The following SLC25A37 variants were observed in gnomAD, a reference collection of about 807,000 sequenced individuals.
The protein encoded by SLC25A37 is mitoferrin-1.
Under a neutral mutation model 31.0 loss-of-function variants are expected in SLC25A37, and 17 were observed. The observed-to-expected ratio is 0.55, with a 90% confidence interval of 0.38 to 0.82. The LOEUF is 0.82. Among genes scored for constraint, SLC25A37 ranks in the 40% least tolerant of loss-of-function variants. SLC25A37 has a pLI of 0.00. For missense variants in SLC25A37, 404 were observed against 465.8 expected (o/e 0.87, Z 1.22); for synonymous variants, 222 against 193.0 (o/e 1.15, Z -1.24).
At chr8:23,557,260 G>A (rs1802392104) in intron 1 of SLC25A37, among the ~76,000 whole-genome samples, 2 of 152,214 alleles carry the variant, frequency 1.3e-5, no homozygotes, top group African/African-American at 4.8e-5. Flanking sequence ...GCAGGTTTGA[G>A]TGAGGAAGGC....
chr8:23,535,474 T>C (rs1801747372), intron 1 of SLC25A37, among the ~76,000 whole-genome samples: 1 of 152,194 alleles, frequency 6.6e-6, no homozygotes, highest in Non-Finnish European at 1.5e-5. Flanking sequence ...GGTGTCTTCA[T>C]TCCTTTAAGG....
Position 23,574,063 on chromosome 8 carries a change from A to G in SLC25A37, c.*2208A>G, listed in dbSNP as rs937613115. ...CCACCCCTTTTGGTCCACTTAAGAT[A>G]TGCCACGCTGAAGCAAGGTATTTCC... On this transcript the variant is annotated 3_prime_UTR_variant, in exon 4 of 4. Coordinates refer to ENST00000519973, the MANE Select transcript of SLC25A37 (RefSeq NM_016612.4). 6 of 343,482 alleles carry G rather than the reference A, an allele frequency of 1.7e-5. No homozygotes were observed. Among genetic ancestry groups the G allele is most frequent in the Non-Finnish European group, 3.5e-5 (6 of 170,484 alleles). The allele number at this position is 343,482 out of a possible 1,614,324, so 21.3% of individuals were successfully genotyped here. A position where few individuals can be genotyped will look rare whatever the true frequency, so the allele number is the denominator to read the frequency against.
intron 1 of SLC25A37, among the ~76,000 whole-genome samples, chr8:23,541,156 C>T (rs189956173): frequency 1.1e-3 from 166 of 152,122 alleles, no homozygotes; most frequent in African/African-American, 3.6e-3. Context: ...ATGCTCATTT[C>T]GTGGTAATGT....
At chr8:23,565,876 C>T (rs140081904) in intron 1 of SLC25A37, among the ~76,000 whole-genome samples, 141 of 152,364 alleles carry the variant, frequency 9.3e-4, no homozygotes, top group African/African-American at 3.3e-3. Flanking sequence ...CCACAGCCTT[C>T]TCTGTCTTTC....
At chr8:23,553,342 A>T (rs1563259674) in intron 1 of SLC25A37, among the ~76,000 whole-genome samples, 2 of 151,748 alleles carry the variant, frequency 1.3e-5, no homozygotes, top group African/African-American at 4.8e-5. Flanking sequence ...GATGGCTTGA[A>T]CCCGGGGGCT....
chr8:23,566,043 T>C (rs1303149147), intron 1 of SLC25A37, 65 bp from the exon 2 acceptor site: 6 of 1,503,882 alleles, frequency 4.0e-6, no homozygotes, highest in Non-Finnish European at 5.3e-6. Flanking sequence ...CCAGGTCTTA[T>C]TTTCCTTCTT....
At chr8:23,547,017 G>A (rs1182017474) in intron 1 of SLC25A37, among the ~76,000 whole-genome samples, 3 of 152,028 alleles carry the variant, frequency 2.0e-5, no homozygotes, top group African/African-American at 7.2e-5. Flanking sequence ...GCCTGGCCTT[G>A]GATAAGAACT....
chr8:23,574,979 G>A lies in SLC25A37; in HGVS notation c.*3124G>A, dbSNP rs955065858. The A allele has an allele frequency of 1.3e-5, 2 of 152,290 alleles. No individual in the cohort carries two copies. Among genetic ancestry groups the A allele is most frequent in the Non-Finnish European group, 2.9e-5 (2 of 68,132 alleles). The allele number at this position is 152,290 out of a possible 1,614,324, so 9.4% of individuals were successfully genotyped here. A position where few individuals can be genotyped will look rare whatever the true frequency, so the allele number is the denominator to read the frequency against. ...GTAGATCAAAGCTTTATTTTAGAAC[G>A]ATAAACTGATTTTTTCCAAATGGGT... On this transcript the variant is annotated 3_prime_UTR_variant, in exon 4 of 4. Coordinates refer to ENST00000519973, the MANE Select transcript of SLC25A37 (RefSeq NM_016612.4).
intron 2 of SLC25A37, chr8:23,566,539 C>G (rs572216090): frequency 4.7e-5 from 62 of 1,327,802 alleles, no homozygotes; most frequent in Non-Finnish European, 5.8e-5. Flanking sequence ...TTTCTGTTCC[C>G]CTCCGCTTTC....
At chr8:23,553,023 ATGGGTTGATG>A (rs1328899022) in intron 1 of SLC25A37, among the ~76,000 whole-genome samples, 10 of 152,214 alleles carry the variant, frequency 6.6e-5, no homozygotes, top group Non-Finnish European at 1.0e-4. Context: ...CTCCCCACAC[ATGGGTTGATG>A]TGCATGTACG....
chr8:23,548,821 ACACT>A (rs1019088320), intron 1 of SLC25A37, among the ~76,000 whole-genome samples: 1 of 152,096 alleles, frequency 6.6e-6, no homozygotes, highest in Admixed American at 6.6e-5. Flanking sequence ...TAAGGGTAAA[ACACT>A]CTCTCTCTGC....
rs566966848 is a variant in SLC25A37, at chr8:23,566,891, G to A, written c.439+555G>A. ...CCACCTTAAGCTTCCGGGGATCTGGGAATTTTACCCCCATTCTCTTCTGTT... is the reference window on the plus strand; with the variant it reads ...CCACCTTAAGCTTCCGGGGATCTGGAAATTTTACCCCCATTCTCTTCTGTT... On this transcript the variant is annotated intron_variant, in intron 2 of 3. Coordinates refer to ENST00000519973, the MANE Select transcript of SLC25A37 (RefSeq NM_016612.4). 7 of 887,284 alleles carry A rather than the reference G, an allele frequency of 7.9e-6. 1 individual carries two copies. The South Asian group carries it at 3.6e-4, about 46-fold the overall frequency. The allele number at this position is 887,284 out of a possible 1,614,324, so 55.0% of individuals were successfully genotyped here.
chr8:23,566,019 C>G, intron 1 of SLC25A37, 89 bp from the exon 2 acceptor site: 9 of 1,443,190 alleles, frequency 6.2e-6, no homozygotes, highest in Admixed American at 3.3e-5. Context: ...CATTGTTTTT[C>G]TCTCTCTCCT....
intron 1 of SLC25A37, among the ~76,000 whole-genome samples, chr8:23,537,703 G>T (rs1296966310): frequency 6.6e-6 from 1 of 152,226 alleles, no homozygotes; most frequent in Non-Finnish European, 1.5e-5. Flanking sequence ...GCTCAGTGCA[G>T]GTGCTAGGTC....
intron 1 of SLC25A37, among the ~76,000 whole-genome samples, chr8:23,542,719 TCAGG>T (rs1801930112): frequency 7.5e-6 from 1 of 132,896 alleles, no homozygotes; most frequent in African/African-American, 2.9e-5. Context: ...TAAAAGAGCC[TCAGG>T]CAGGTCCTTC....
intron 1 of SLC25A37, among the ~76,000 whole-genome samples, chr8:23,551,868 G>C (rs1356450305): frequency 6.6e-6 from 1 of 152,174 alleles, no homozygotes; most frequent in South Asian, 2.1e-4. Flanking sequence ...AGGTGTGTTG[G>C]GGGGTACCTA....
chr8:23,558,610 G>A (rs972229811), intron 1 of SLC25A37, among the ~76,000 whole-genome samples: 8 of 152,216 alleles, frequency 5.3e-5, no homozygotes, highest in Admixed American at 1.3e-4. Flanking sequence ...GTCAGGGGCT[G>A]ACCCTTCACT....
intron 1 of SLC25A37, among the ~76,000 whole-genome samples, chr8:23,542,175 A>G (rs912403344): frequency 2.6e-5 from 4 of 152,168 alleles, no homozygotes; most frequent in Admixed American, 1.3e-4. Context: ...AAAAATTCCT[A>G]TTACCTAGGG....
At chr8:23,568,140 C>T (rs1802717109) in intron 2 of SLC25A37, 182 bp from the exon 3 acceptor site, 1 of 702,440 alleles carries the variant, frequency 1.4e-6, no homozygotes, top group Admixed American at 2.0e-5. Flanking sequence ...TAACCATCCC[C>T]ATTTTTATCA....
Sources: allele counts gnomAD v4.1 joint callset (sites outside exome capture counted in the v4.1 genomes callset), GRCh38; gene constraint gnomAD v4.1.1; transcripts MANE v1.5; gene names NCBI Gene and HGNC (gene_info 2026-07-23, HGNC 2026-07-21).